The following SGCD variants were observed in gnomAD, a reference collection of about 807,000 sequenced individuals.
SGCD encodes sarcoglycan delta, also known as delta-sarcoglycan.
Under a neutral mutation model 36.6 loss-of-function variants are expected in SGCD, and 18 were observed. The ratio of observed to expected loss-of-function variants is 0.49; its 90% CI spans 0.34 to 0.73. SGCD has a LOEUF of 0.73. Among genes scored for constraint, SGCD ranks in the 30% least tolerant of loss-of-function variants. The pLI is 0.01. For missense variants in SGCD, 387 were observed against 346.7 expected (o/e 1.12, Z -0.92); for synonymous variants, 133 against 130.6 (o/e 1.02, Z -0.12).
chr5:156,504,390 G>GTATATATA (rs746430800), intron 3 of SGCD, among the ~76,000 whole-genome samples: 3 of 126,490 alleles, frequency 2.4e-5, no homozygotes, highest in South Asian at 2.5e-4. Flanking sequence ...GGGTGTGTGT[G>GTATATATA]TGTATATATA....
At chr5:156,730,201 G>A (rs1359112610) in intron 7 of SGCD, among the ~76,000 whole-genome samples, 2 of 152,108 alleles carry the variant, frequency 1.3e-5, no homozygotes, top group Non-Finnish European at 2.9e-5. Context: ...TAAGTAAAAT[G>A]TCAGACCCTA....
At chr5:156,530,878 G>A (rs893440131) in intron 4 of SGCD, among the ~76,000 whole-genome samples, 2 of 151,814 alleles carry the variant, frequency 1.3e-5, no homozygotes, top group Non-Finnish European at 2.9e-5. Context: ...GTGTCTGGCC[G>A]CCATGCTTTA....
At chr5:156,422,347 T>C (rs1229088787) in intron 3 of SGCD, among the ~76,000 whole-genome samples, 3 of 152,062 alleles carry the variant, frequency 2.0e-5, no homozygotes, top group African/African-American at 7.2e-5. Context: ...TTTTTGTTTT[T>C]TTTCTTCTGT....
At chr5:156,549,061 C>T (rs1758691643) in intron 4 of SGCD, among the ~76,000 whole-genome samples, 1 of 151,788 alleles carries the variant, frequency 6.6e-6, no homozygotes, top group Non-Finnish European at 1.5e-5. Context: ...CCCTTCCCTA[C>T]ATCAAAATGC....
At chr5:156,438,379 T>G (rs984282193) in intron 3 of SGCD, among the ~76,000 whole-genome samples, 2 of 152,116 alleles carry the variant, frequency 1.3e-5, no homozygotes, top group Non-Finnish European at 2.9e-5. Context: ...TCTGTGTGCT[T>G]TCAGGTGGGC....
At chr5:156,145,321 C>T (rs1762684926) in intron 3 of SGCD, among the ~76,000 whole-genome samples, 2 of 152,266 alleles carry the variant, frequency 1.3e-5, no homozygotes, top group South Asian at 4.1e-4. Flanking sequence ...TTGCTGAGGC[C>T]TCCGCAGAAG....
intron 3 of SGCD, among the ~76,000 whole-genome samples, chr5:156,180,052 GT>G (rs1343672436): frequency 1.3e-5 from 2 of 152,228 alleles, no homozygotes; most frequent in African/African-American, 4.8e-5. Flanking sequence ...GAAGTCAGAA[GT>G]TGTAGTTTTT....
chr5:156,290,970 A>G (rs367904835), intron 3 of SGCD, among the ~76,000 whole-genome samples: 24 of 152,232 alleles, frequency 1.6e-4, no homozygotes, highest in Middle Eastern at 3.4e-3. Context: ...CAATAAGATA[A>G]TAGTTCTAGG....
At chr5:156,500,482 G>A (rs936880040) in intron 3 of SGCD, among the ~76,000 whole-genome samples, 1 of 152,196 alleles carries the variant, frequency 6.6e-6, no homozygotes, top group Admixed American at 6.5e-5. Context: ...GTTAAAACAG[G>A]TCTTGGCATT....
chr5:156,521,575 C>T (rs992620451), intron 4 of SGCD, among the ~76,000 whole-genome samples: 9 of 152,170 alleles, frequency 5.9e-5, no homozygotes, highest in East Asian at 1.9e-4. Flanking sequence ...GGATGCATGT[C>T]GCCAACAAAT....
At chr5:155,985,826 T>G (rs1191725953) in intron 1 of SGCD, among the ~76,000 whole-genome samples, 1 of 152,206 alleles carries the variant, frequency 6.6e-6, no homozygotes, top group Non-Finnish European at 1.5e-5. Flanking sequence ...GAGGAACTGG[T>G]GGACAGTTGT....
the SGCD span, among the ~76,000 whole-genome samples, chr5:155,779,908 A>G: frequency 1.3e-5 from 2 of 152,122 alleles, no homozygotes; most frequent in East Asian, 3.8e-4. Context: ...AGGAAATCTG[A>G]GTACTTTCTC....
chr5:156,678,893 G>A (rs753100019), intron 7 of SGCD, among the ~76,000 whole-genome samples: 6 of 152,116 alleles, frequency 3.9e-5, no homozygotes, highest in Non-Finnish European at 7.3e-5. Context: ...CAATTTTCTT[G>A]TTATAGTGTT....
intron 7 of SGCD, among the ~76,000 whole-genome samples, chr5:156,727,336 T>G (rs72803027): frequency 0.095 from 14,388 of 152,208 alleles, 1,163 homozygotes; most frequent in African/African-American, 0.22. Context: ...GGGAGTTATT[T>G]CTAAAGCTGG....
rs528817243 is a variant in SGCD, at chr5:156,602,201, G to A, written c.502+7150G>A. Among the ~76,000 whole-genome samples, 27 of 151,918 alleles carry A rather than the reference G, an allele frequency of 1.8e-4. No homozygotes were observed. The South Asian group carries it at 2.5e-3, about 14-fold the overall frequency. ...TTTATTCATAGGTATCTTATTTTTC[G>A]TAGCTATTGTAAATGGGATTGCTTT... is the stretch of plus-strand genomic sequence containing the variant. On this transcript the variant is annotated intron_variant, in intron 6 of 8. Transcript: ENST00000337851.
At chr5:155,904,232 G>A (rs1756452167) in intron 1 of SGCD, among the ~76,000 whole-genome samples, 1 of 152,202 alleles carries the variant, frequency 6.6e-6, no homozygotes. Context: ...ACAGGAGCAA[G>A]TTTCCCTGGC....
chr5:155,963,848 C>A (rs1581015042), intron 1 of SGCD, among the ~76,000 whole-genome samples: 3 of 152,154 alleles, frequency 2.0e-5, no homozygotes, highest in South Asian at 4.1e-4. Flanking sequence ...AAATGAACCC[C>A]TTCCAAAATC....
chr5:156,145,961 A>C lies in SGCD; in HGVS notation c.-44+21942A>C, dbSNP rs377527899. On this transcript the variant is annotated intron_variant, in intron 3 of 9. Transcript: ENST00000517913. The stretch of plus-strand genomic sequence containing the variant: ...AGGCGTGGTGGCTCATGCCTGTAAT[A>C]CCAGCACTTTGGGAGGCCAAGGTGG... 1.4e-3 allele frequency among the ~76,000 whole-genome samples: 215 copies of C among 152,284 alleles called. 5 individuals are homozygous for C. The South Asian group carries it at 0.016, about 11-fold the overall frequency.
At chr5:156,105,402 G>A (rs1253672759) in intron 1 of SGCD, among the ~76,000 whole-genome samples, 1 of 152,140 alleles carries the variant, frequency 6.6e-6, no homozygotes, top group East Asian at 1.9e-4. Context: ...AATTAGCTTT[G>A]TAATATATAC....
Sources: allele counts gnomAD v4.1 joint callset (sites outside exome capture counted in the v4.1 genomes callset), GRCh38; gene constraint gnomAD v4.1.1; transcripts MANE v1.5; gene names NCBI Gene and HGNC (gene_info 2026-07-23, HGNC 2026-07-21).